Variants in PPARGC1A observed in about 807,000 individuals in gnomAD.
PPARGC1A encodes the protein PPARG coactivator 1 alpha, also known as peroxisome proliferator-activated receptor gamma coactivator 1-alpha.
In PPARGC1A, 25 loss-of-function variants were observed where a neutral mutation model predicts 88.7. That is an observed-to-expected ratio of 0.28 (90% confidence interval 0.21 to 0.39). The LOEUF is 0.39. Among genes scored for constraint, PPARGC1A ranks in the 10% least tolerant of loss-of-function variants. PPARGC1A has a pLI of 1.00. For synonymous variants in PPARGC1A, 363 were observed against 355.6 expected (o/e 1.02, Z -0.24); for missense variants, 880 against 968.7 (o/e 0.91, Z 1.22).
the PPARGC1A span, among the ~76,000 whole-genome samples, chr4:24,285,521 C>G: frequency 6.6e-6 from 1 of 152,176 alleles, no homozygotes; most frequent in Non-Finnish European, 1.5e-5. Flanking sequence ...GTGGTGCTTA[C>G]TATGGCGAGT....
the PPARGC1A span, among the ~76,000 whole-genome samples, chr4:23,938,946 T>C: frequency 2.6e-5 from 4 of 152,090 alleles, no homozygotes; most frequent in Non-Finnish European, 5.9e-5. Flanking sequence ...GCTCCCTTGG[T>C]GTCAGGGAGA....
the PPARGC1A span, among the ~76,000 whole-genome samples, chr4:24,437,105 CT>C: frequency 6.6e-6 from 1 of 152,232 alleles, no homozygotes; most frequent in Non-Finnish European, 1.5e-5. Flanking sequence ...CAAGACTGGG[CT>C]TTTGTTTACT....
At chr4:24,142,083 C>A in the PPARGC1A span, among the ~76,000 whole-genome samples, 4 of 152,158 alleles carry the variant, frequency 2.6e-5, no homozygotes, top group Non-Finnish European at 5.9e-5. Context: ...ATACATGGAA[C>A]AAATTAAATC....
the PPARGC1A span, among the ~76,000 whole-genome samples, chr4:23,972,647 C>A: frequency 1.3e-5 from 2 of 152,164 alleles, no homozygotes; most frequent in African/African-American, 4.8e-5. Context: ...CTGTCTCATA[C>A]TATGTTTCTC....
At chr4:24,092,247 C>A in the PPARGC1A span, among the ~76,000 whole-genome samples, 1 of 152,050 alleles carries the variant, frequency 6.6e-6, no homozygotes, top group Non-Finnish European at 1.5e-5. Context: ...TAGGCCTCAA[C>A]CCCTTTTCTA....
the PPARGC1A span, among the ~76,000 whole-genome samples, chr4:24,287,419 A>G: frequency 6.6e-6 from 1 of 152,130 alleles, no homozygotes; most frequent in Non-Finnish European, 1.5e-5. Context: ...GCCACTTAAT[A>G]TTGACCCTTT....
At chr4:23,843,895 A>G (rs1727505133) in intron 2 of PPARGC1A, among the ~76,000 whole-genome samples, 1 of 152,048 alleles carries the variant, frequency 6.6e-6, no homozygotes, top group African/African-American at 2.4e-5. Flanking sequence ...ATTTGTGAAC[A>G]TACATGCAGA....
chr4:24,131,211 AT>A, the PPARGC1A span, among the ~76,000 whole-genome samples: 6 of 152,034 alleles, frequency 3.9e-5, no homozygotes, highest in Admixed American at 3.9e-4. Context: ...AAAAAAAAAA[AT>A]GTAGTCTGAA....
the PPARGC1A span, among the ~76,000 whole-genome samples, chr4:24,098,679 CAATT>C: frequency 2.0e-5 from 3 of 152,128 alleles, no homozygotes; most frequent in Non-Finnish European, 2.9e-5. Flanking sequence ...ATGTAGATGC[CAATT>C]AATTACTGCA....
At chr4:24,242,364 T>C in the PPARGC1A span, among the ~76,000 whole-genome samples, 1 of 152,194 alleles carries the variant, frequency 6.6e-6, no homozygotes, top group Non-Finnish European at 1.5e-5. Context: ...CCATGACAGA[T>C]AACTTGATGT....
At chr4:24,177,505 T>A in the PPARGC1A span, among the ~76,000 whole-genome samples, 3 of 151,866 alleles carry the variant, frequency 2.0e-5, no homozygotes, top group South Asian at 6.2e-4. Context: ...TTAGGAGATA[T>A]ACCTAGTGTT....
intron 2 of PPARGC1A, among the ~76,000 whole-genome samples, chr4:23,855,113 C>T (rs1394974557): frequency 6.6e-6 from 1 of 151,882 alleles, no homozygotes; most frequent in Non-Finnish European, 1.5e-5. Flanking sequence ...TTTCACTTGG[C>T]TCTCATTTTC....
At chr4:24,153,466 T>C in the PPARGC1A span, among the ~76,000 whole-genome samples, 4 of 152,254 alleles carry the variant, frequency 2.6e-5, no homozygotes, top group African/African-American at 9.6e-5. Context: ...CTAGGATTTC[T>C]TTATAAATGA....
At chr4:23,892,890 C>T (rs980792407), upstream of PPARGC1A, among the ~76,000 whole-genome samples, 2 of 152,132 alleles carry the variant, frequency 1.3e-5, no homozygotes, top group Non-Finnish European at 1.5e-5. Context: ...GAAAAACCAA[C>T]GTCACTTGGA....
the PPARGC1A span, among the ~76,000 whole-genome samples, chr4:24,000,286 T>C: frequency 6.6e-6 from 1 of 152,164 alleles, no homozygotes; most frequent in African/African-American, 2.4e-5. Flanking sequence ...CTCAGAGACT[T>C]GGTACCAGAA....
intron 2 of PPARGC1A, among the ~76,000 whole-genome samples, chr4:23,842,981 T>C (rs1727336941): frequency 6.6e-6 from 1 of 152,144 alleles, no homozygotes; most frequent in African/African-American, 2.4e-5. Context: ...CCCAATATCT[T>C]ACATTAATGT....
the PPARGC1A span, among the ~76,000 whole-genome samples, chr4:24,437,637 T>TTG: frequency 6.6e-6 from 1 of 150,978 alleles, no homozygotes; most frequent in African/African-American, 2.4e-5. Context: ...GTTGTTGTTG[T>TTG]TTTAGTTTTG....
the PPARGC1A span, among the ~76,000 whole-genome samples, chr4:24,189,959 C>G: frequency 4.6e-5 from 7 of 152,218 alleles, no homozygotes; most frequent in African/African-American, 1.7e-4. Flanking sequence ...CCACTTCCTG[C>G]TAGCTTACAA....
At chr4:24,059,575 G>C in the PPARGC1A span, among the ~76,000 whole-genome samples, 13 of 152,188 alleles carry the variant, frequency 8.5e-5, no homozygotes, top group African/African-American at 3.1e-4. Context: ...AGCTGTGCTT[G>C]ACTCTCCACC....
Sources: allele counts gnomAD v4.1 joint callset (sites outside exome capture counted in the v4.1 genomes callset), GRCh38; gene constraint gnomAD v4.1.1; transcripts MANE v1.5; gene names NCBI Gene and HGNC (gene_info 2026-07-23, HGNC 2026-07-21).